The following CNTNAP2 variants were observed in gnomAD, a reference collection of about 807,000 sequenced individuals.
The protein encoded by CNTNAP2 is contactin-associated protein-like 2.
A neutral mutation model predicts 155.2 loss-of-function variants in CNTNAP2; 98 were observed. The observed-to-expected ratio is 0.63, with a 90% CI of 0.54 to 0.75. The LOEUF (loss-of-function observed/expected upper bound fraction) is 0.75. Among genes scored for constraint, CNTNAP2 ranks in the 30% least tolerant of loss-of-function variants. The pLI, the probability that CNTNAP2 is intolerant of heterozygous loss-of-function variation, is 0.00. For synonymous variants in CNTNAP2, 651 were observed against 631.2 expected (o/e 1.03, Z -0.47); for missense variants, 1,727 against 1,688.1 (o/e 1.02, Z -0.40).
chr7:146,290,676 A>G (rs542164270), intron 1 of CNTNAP2, among the ~76,000 whole-genome samples: 1 of 152,354 alleles, frequency 6.6e-6, no homozygotes, highest in Admixed American at 6.5e-5. Context: ...GGGAATCAGA[A>G]AAAACTAGAT....
intron 8 of CNTNAP2, chr7:147,167,650 G>A: frequency 2.2e-6 from 1 of 458,058 alleles, no homozygotes; most frequent in South Asian, 3.4e-5. Flanking sequence ...AGCGGAGCAG[G>A]GTATGGGCCA....
chr7:147,265,164 A>T, intron 8 of CNTNAP2, among the ~76,000 whole-genome samples: 1 of 152,206 alleles, frequency 6.6e-6, no homozygotes, highest in East Asian at 1.9e-4. Context: ...AAGATGGATC[A>T]CTACTTCTTT....
At chr7:146,769,445 T>A (rs1802255476) in intron 1 of CNTNAP2, among the ~76,000 whole-genome samples, 1 of 152,128 alleles carries the variant, frequency 6.6e-6, no homozygotes, top group African/African-American at 2.4e-5. Flanking sequence ...ATTATTACAG[T>A]TGGAAATAAA....
chr7:148,340,959 T>C (rs1255406913), intron 21 of CNTNAP2, among the ~76,000 whole-genome samples: 2 of 152,224 alleles, frequency 1.3e-5, no homozygotes, highest in Non-Finnish European at 2.9e-5. Context: ...CAAGTTTATT[T>C]CACAAACGGG....
At chr7:147,866,699 A>C (rs1170815167) in intron 13 of CNTNAP2, among the ~76,000 whole-genome samples, 1 of 149,418 alleles carries the variant, frequency 6.7e-6, no homozygotes, top group Admixed American at 6.7e-5. Flanking sequence ...GCCTCTTTTG[A>C]TCTTTGTTGG....
chr7:147,391,750 T>C (rs2116445192), intron 9 of CNTNAP2, among the ~76,000 whole-genome samples: 1 of 152,170 alleles, frequency 6.6e-6, no homozygotes, highest in Non-Finnish European at 1.5e-5. Flanking sequence ...GAATACCTAA[T>C]AATTTTCTTG....
At chr7:148,211,083 A>G (rs1033976660) in intron 18 of CNTNAP2, among the ~76,000 whole-genome samples, 1 of 152,244 alleles carries the variant, frequency 6.6e-6, no homozygotes, top group African/African-American at 2.4e-5. Context: ...GCAGAACTCC[A>G]TAAAATTCAC....
chr7:146,158,132 G>A (rs930805749), intron 1 of CNTNAP2, among the ~76,000 whole-genome samples: 8 of 152,322 alleles, frequency 5.3e-5, no homozygotes, highest in Middle Eastern at 6.8e-3. Context: ...AGGTTGTGGA[G>A]TGGACCTCCA....
chr7:148,050,041 G>A (rs138523434), intron 15 of CNTNAP2, among the ~76,000 whole-genome samples: 199 of 152,154 alleles, frequency 1.3e-3, no homozygotes, highest in African/African-American at 4.6e-3. Flanking sequence ...TTCACCCTAT[G>A]ATCCCAGCTA....
chr7:147,334,924 G>A (rs529921112), intron 9 of CNTNAP2, among the ~76,000 whole-genome samples: 66 of 152,192 alleles, frequency 4.3e-4, no homozygotes, highest in African/African-American at 1.4e-3. Flanking sequence ...TTTCTTCAGC[G>A]TTTGTTATCC....
At chr7:147,903,777 A>T in intron 14 of CNTNAP2, 56 bp downstream of exon 14, 1 of 1,595,882 alleles carries the variant, frequency 6.3e-7, no homozygotes, top group South Asian at 1.1e-5. Context: ...CCTTTGTGTC[A>T]AACTCATGTG....
intron 3 of CNTNAP2, among the ~76,000 whole-genome samples, chr7:146,996,260 C>T (rs1798306611): frequency 6.6e-6 from 1 of 151,870 alleles, no homozygotes; most frequent in Non-Finnish European, 1.5e-5. Context: ...TGAAGAATGT[C>T]ATTGGTCCTT....
chr7:147,165,727 G>A (rs1309129810), intron 8 of CNTNAP2, among the ~76,000 whole-genome samples: 2 of 152,142 alleles, frequency 1.3e-5, no homozygotes, highest in Admixed American at 1.3e-4. Flanking sequence ...GTTGAATAGG[G>A]TGTCCTTTCC....
At chr7:146,412,244 A>G (rs935640884) in intron 1 of CNTNAP2, among the ~76,000 whole-genome samples, 7 of 152,216 alleles carry the variant, frequency 4.6e-5, no homozygotes, top group Non-Finnish European at 8.8e-5. Flanking sequence ...TGGCCAAACA[A>G]GTAACAAAGT....
intron 14 of CNTNAP2, among the ~76,000 whole-genome samples, chr7:147,921,692 G>T (rs544795054): frequency 3.5e-4 from 53 of 152,276 alleles, no homozygotes; most frequent in South Asian, 6.2e-4. Flanking sequence ...TCTTTAAAAT[G>T]AGAATAGTAA....
intron 13 of CNTNAP2, among the ~76,000 whole-genome samples, chr7:147,771,039 T>C (rs1487194748): frequency 9.9e-5 from 15 of 152,178 alleles, no homozygotes; most frequent in East Asian, 5.8e-4. Context: ...ACTCAAAAAT[T>C]GATATATGCA....
intron 3 of CNTNAP2, among the ~76,000 whole-genome samples, chr7:146,889,446 A>G (rs1010625119): frequency 3.3e-5 from 5 of 152,122 alleles, no homozygotes; most frequent in Non-Finnish European, 5.9e-5. Context: ...GATGCAAGTC[A>G]TTCATCTGTA....
intron 1 of CNTNAP2, among the ~76,000 whole-genome samples, chr7:146,359,070 C>G (rs1353772206): frequency 6.6e-6 from 1 of 152,122 alleles, no homozygotes; most frequent in Non-Finnish European, 1.5e-5. Context: ...GAAGTATAGT[C>G]CCATTTATTT....
chr7:147,427,529 GC>G (rs1797399071), intron 10 of CNTNAP2, among the ~76,000 whole-genome samples: 1 of 152,060 alleles, frequency 6.6e-6, no homozygotes, highest in South Asian at 2.1e-4. Context: ...AAACCAGGAG[GC>G]CCCCGTCATG....
Sources: allele counts gnomAD v4.1 joint callset (sites outside exome capture counted in the v4.1 genomes callset), GRCh38; gene constraint gnomAD v4.1.1; transcripts MANE v1.5; gene names NCBI Gene and HGNC (gene_info 2026-07-23, HGNC 2026-07-21).